Variants in ARHGAP22 observed in about 807,000 individuals in gnomAD.
The protein encoded by ARHGAP22 is Rho GTPase activating protein 22.
In ARHGAP22, 48 loss-of-function variants were observed where a neutral mutation model predicts 59.1. The ratio of observed to expected loss-of-function variants is 0.81; its 90% CI spans 0.64 to 1.03. ARHGAP22 has a LOEUF of 1.03. ARHGAP22 is among the 50% of genes least tolerant of loss of function. The pLI, the probability that ARHGAP22 is intolerant of heterozygous loss-of-function variation, is 0.00. For synonymous variants in ARHGAP22, 445 were observed against 416.4 expected, an observed-to-expected ratio of 1.07 and a Z score of -0.84; for missense variants, 1,015 against 958.7, an observed-to-expected ratio of 1.06 and a Z score of -0.78.
the ARHGAP22 span, chr10:48,436,477 T>C: frequency 6.6e-6 from 1 of 152,188 alleles, no homozygotes; most frequent in Admixed American, 6.5e-5. Flanking sequence ...CCTTTTAAAT[T>C]ATCTCTGGAA....
chr10:48,603,290 C>T (rs1209696945), intron 1 of ARHGAP22, among the ~76,000 whole-genome samples: 2 of 152,212 alleles, frequency 1.3e-5, no homozygotes, highest in African/African-American at 4.8e-5. Flanking sequence ...CTCTTACTAG[C>T]ACTGTCCAAT....
At chr10:48,626,347 G>T (rs1475591191) in intron 1 of ARHGAP22, among the ~76,000 whole-genome samples, 3 of 152,082 alleles carry the variant, frequency 2.0e-5, no homozygotes, top group Admixed American at 2.0e-4. Context: ...TCTTAATCTT[G>T]GGGACCTCAT....
upstream of ARHGAP22, among the ~76,000 whole-genome samples, chr10:48,653,683 C>CA (rs1241202095): frequency 1.3e-5 from 2 of 152,298 alleles, no homozygotes; most frequent in East Asian, 3.9e-4. Flanking sequence ...TTGCAAAGGC[C>CA]AGAGTGCAAG....
At chr10:48,588,960 G>A (rs1390912388) in intron 1 of ARHGAP22, among the ~76,000 whole-genome samples, 1 of 152,200 alleles carries the variant, frequency 6.6e-6, no homozygotes, top group Non-Finnish European at 1.5e-5. Flanking sequence ...GACCTCAGGG[G>A]AGGTGGGGCT....
chr10:48,653,958 C>T (rs1398364420), upstream of ARHGAP22, among the ~76,000 whole-genome samples: 1 of 152,220 alleles, frequency 6.6e-6, no homozygotes, highest in Non-Finnish European at 1.5e-5. Context: ...ACCTGAAACA[C>T]TATTCAGATT....
chr10:48,446,661 C>A, intron 9 of ARHGAP22, 42 bp from the exon 10 acceptor site: 1 of 1,573,846 alleles, frequency 6.4e-7, no homozygotes, highest in Non-Finnish European at 8.7e-7. Context: ...CTCTGCGGGC[C>A]AGGTTCACTG....
At chr10:48,493,614 T>A in intron 3 of ARHGAP22, 1 of 1,463,074 alleles carries the variant, frequency 6.8e-7, no homozygotes, top group Non-Finnish European at 9.0e-7. Flanking sequence ...CGGCTGCCTG[T>A]GTGCTCTGCC....
chr10:48,493,281 A>T (rs2050587873), intron 3 of ARHGAP22, among the ~76,000 whole-genome samples: 1 of 152,196 alleles, frequency 6.6e-6, no homozygotes, highest in Non-Finnish European at 1.5e-5. Flanking sequence ...TACCAGGCTG[A>T]ACCTCCCTGC....
intron 3 of ARHGAP22, among the ~76,000 whole-genome samples, chr10:48,499,714 GT>G (rs1365782106): frequency 6.6e-6 from 1 of 152,182 alleles, no homozygotes; most frequent in Non-Finnish European, 1.5e-5. Flanking sequence ...ATGTGTGGAA[GT>G]TCTAAGTCAA....
At chr10:48,644,390 G>C (rs2062201818) in intron 1 of ARHGAP22, among the ~76,000 whole-genome samples, 1 of 152,164 alleles carries the variant, frequency 6.6e-6, no homozygotes, top group Admixed American at 6.5e-5. Context: ...CAGAATATCA[G>C]CAACTATATA....
At chr10:48,519,956 G>A (rs1353913671) in intron 3 of ARHGAP22, among the ~76,000 whole-genome samples, 1 of 152,220 alleles carries the variant, frequency 6.6e-6, no homozygotes, top group East Asian at 1.9e-4. Flanking sequence ...GAAGGGGCAA[G>A]GGTGAACTCA....
chr10:48,589,162 G>C (rs1372658637), intron 1 of ARHGAP22, among the ~76,000 whole-genome samples: 2 of 152,154 alleles, frequency 1.3e-5, no homozygotes, highest in Non-Finnish European at 2.9e-5. Context: ...GGCCTCTCCT[G>C]ATATTGCTCT....
intron 3 of ARHGAP22, among the ~76,000 whole-genome samples, chr10:48,486,453 G>A (rs112557125): frequency 0.012 from 1,829 of 151,930 alleles, 39 homozygotes; most frequent in African/African-American, 0.039. Context: ...CAATTCTCCC[G>A]TCTCAGCCTC....
chr10:48,488,142 C>T (rs1420530320), intron 3 of ARHGAP22, among the ~76,000 whole-genome samples: 1 of 152,176 alleles, frequency 6.6e-6, no homozygotes, highest in Non-Finnish European at 1.5e-5. Flanking sequence ...CAAATCTTTT[C>T]ATGTTAGTGT....
intron 1 of ARHGAP22, among the ~76,000 whole-genome samples, chr10:48,644,091 G>T (rs1345151250): frequency 1.3e-5 from 2 of 152,180 alleles, no homozygotes; most frequent in Admixed American, 6.5e-5. Flanking sequence ...AGGTTGCGGT[G>T]AGCCGAGATC....
chr10:48,557,018 C>T (rs1345111), intron 2 of ARHGAP22, among the ~76,000 whole-genome samples: 22,968 of 152,192 alleles, frequency 0.15, 1,846 homozygotes, highest in Admixed American at 0.23. Flanking sequence ...ATTTAAGCAA[C>T]GTTAATGTGG....
At chr10:48,528,980 T>C (rs560702285) in intron 3 of ARHGAP22, among the ~76,000 whole-genome samples, 5 of 152,324 alleles carry the variant, frequency 3.3e-5, no homozygotes, top group Admixed American at 3.3e-4. Flanking sequence ...CTCTTTTCCT[T>C]ATAAATGACC....
At chr10:48,526,373 G>C (rs940864864) in intron 3 of ARHGAP22, among the ~76,000 whole-genome samples, 1 of 152,198 alleles carries the variant, frequency 6.6e-6, no homozygotes, top group Non-Finnish European at 1.5e-5. Context: ...GTGAGGCTTC[G>C]GGGAGAGAGA....
intron 3 of ARHGAP22, among the ~76,000 whole-genome samples, chr10:48,539,251 A>G (rs1178949649): frequency 6.8e-6 from 1 of 147,828 alleles, no homozygotes; most frequent in Non-Finnish European, 1.5e-5. Flanking sequence ...ATAATATTTT[A>G]TTCATGTCAT....
Sources: gnomAD v4.1 joint callset for allele counts (sites outside exome capture counted in the v4.1 genomes callset) on GRCh38, gnomAD v4.1.1 for gene constraint, MANE v1.5 for transcripts, NCBI Gene and HGNC (gene_info 2026-07-23, HGNC 2026-07-21) for gene names.